The following STK32B variants were observed in gnomAD, a reference collection of about 807,000 sequenced individuals.
STK32B encodes the protein serine/threonine-protein kinase 32B.
In STK32B, 43 loss-of-function variants were observed where a neutral mutation model predicts 52.6. The observed-to-expected ratio is 0.82, with a 90% CI of 0.64 to 1.05. The LOEUF (loss-of-function observed/expected upper bound fraction) is 1.05. Ranked by LOEUF, STK32B falls within the 50% of genes least tolerant of loss-of-function variation. The pLI is 0.00. For missense variants in STK32B, 621 were observed against 534.6 expected (o/e 1.16, Z -1.59); for synonymous variants, 238 against 204.3 (o/e 1.17, Z -1.41).
At chr4:5,446,829 C>G (rs763614392) in intron 7 of STK32B, 53 bp downstream of exon 7, 1 of 1,575,096 alleles carries the variant, frequency 6.3e-7, no homozygotes, top group Non-Finnish European at 8.7e-7. Flanking sequence ...TGGGGGCTCA[C>G]GTTGTACCTG....
At chr4:5,204,774 G>T (rs996291787) in intron 3 of STK32B, among the ~76,000 whole-genome samples, 17 of 152,080 alleles carry the variant, frequency 1.1e-4, no homozygotes, top group African/African-American at 3.6e-4. Flanking sequence ...GGCGTGTCCT[G>T]GGTTTTAAGC....
At position 5,292,350 on chromosome 4, in the gene STK32B, A is replaced by G. The variant is rs374411288; in HGVS notation, c.261-38870A>G. 5.9e-5 allele frequency among the ~76,000 whole-genome samples: 9 copies of G among 152,212 alleles called. No individual in the cohort carries two copies. In the East Asian group the frequency reaches 9.6e-4, roughly 16 times the overall value. On this transcript the variant is annotated intron_variant, in intron 3 of 11. Transcript: ENST00000282908. ...TAATAGCCATTCTGACTGATGTGAA[A>G]TGGTATCTCATTGTGGTTTCAGTTT... is the stretch of plus-strand genomic sequence containing the variant.
intron 1 of STK32B, among the ~76,000 whole-genome samples, chr4:5,105,735 T>C (rs993820938): frequency 7.9e-5 from 12 of 151,904 alleles, no homozygotes; most frequent in Non-Finnish European, 1.3e-4. Context: ...GGCTAATTTT[T>C]TGTATTTTTA....
intron 1 of STK32B, among the ~76,000 whole-genome samples, chr4:5,071,180 G>T (rs549895757): frequency 6.6e-6 from 1 of 152,248 alleles, no homozygotes; most frequent in East Asian, 1.9e-4. Flanking sequence ...AGTTTGCAGT[G>T]ATCACGCTAG....
chr4:5,372,628 G>A (rs775463273), intron 4 of STK32B, among the ~76,000 whole-genome samples: 2 of 151,590 alleles, frequency 1.3e-5, no homozygotes, highest in Non-Finnish European at 2.9e-5. Flanking sequence ...CTGGGTCAGT[G>A]GACTATTTAA....
chr4:5,131,592 C>T (rs867256442), intron 1 of STK32B, among the ~76,000 whole-genome samples: 19 of 152,212 alleles, frequency 1.2e-4, no homozygotes, highest in Admixed American at 1.3e-4. Flanking sequence ...TTCTCTCCTT[C>T]CTACACAGCA....
intron 3 of STK32B, among the ~76,000 whole-genome samples, chr4:5,255,078 G>A (rs1464440404): frequency 1.3e-5 from 2 of 151,908 alleles, no homozygotes; most frequent in Non-Finnish European, 2.9e-5. Flanking sequence ...GCCCAGTAGG[G>A]CAGACTGATA....
At chr4:5,348,009 T>A (rs2108980976) in intron 4 of STK32B, among the ~76,000 whole-genome samples, 1 of 152,198 alleles carries the variant, frequency 6.6e-6, no homozygotes, top group Non-Finnish European at 1.5e-5. Flanking sequence ...ACATAACCAC[T>A]CTGAGTAGAT....
chr4:5,146,330 G>A (rs868677692), intron 2 of STK32B, among the ~76,000 whole-genome samples: 6 of 152,110 alleles, frequency 3.9e-5, no homozygotes, highest in African/African-American at 7.2e-5. Context: ...GTCTGTGACC[G>A]AAAGCCTGAG....
At chr4:5,364,690 T>C (rs1467266159) in intron 4 of STK32B, among the ~76,000 whole-genome samples, 2 of 152,000 alleles carry the variant, frequency 1.3e-5, no homozygotes, top group Admixed American at 1.3e-4. Context: ...TCATATTCAG[T>C]AGGGAGAGGG....
Position 5,460,322 on chromosome 4 carries a change from C to A in STK32B, c.909+94C>A. 1.3e-6 allele frequency: 2 copies of A among 1,508,008 alleles called. No homozygotes were observed. Among genetic ancestry groups the A allele is most frequent in the South Asian group, 1.3e-5 (1 of 75,946 alleles). The allele number at this position is 1,508,008 out of a possible 1,614,324, so 93.4% of individuals were successfully genotyped here. A position where few individuals can be genotyped will look rare whatever the true frequency, so the allele number is the denominator to read the frequency against. ...CTTTGGCAGCTGGCTAGTGAGCCCT[C>A]TGCTGGCCACTTCCACCTGAGCACC... On this transcript the variant is annotated intron_variant, in intron 9 of 11. Transcript: ENST00000282908. This position sits in a 1 kb window ranked among gnomAD's most constrained non-coding sequence, Gnocchi z 4.8.
At chr4:5,166,484 A>T (rs952971079) in intron 2 of STK32B, among the ~76,000 whole-genome samples, 6 of 146,678 alleles carry the variant, frequency 4.1e-5, no homozygotes, top group African/African-American at 1.5e-4. Context: ...GTCATACTAG[A>T]TGAGAGTGGG....
Position 5,369,887 on chromosome 4 carries a change from T to TG in STK32B, c.435-28320_435-28319insG, listed in dbSNP as rs534163253. Reference sequence around the variant, plus strand: ...TATTTTTTTTGTTTGTTTGTTTGTTTTTTTTTGAGACGGCGTCTTGCTCTG... The same window carrying TG: ...TATTTTTTTTGTTTGTTTGTTTGTTTGTTTTTTGAGACGGCGTCTTGCTCTG... On this transcript the variant is annotated intron_variant, in intron 4 of 11. Coordinates refer to ENST00000282908, the MANE Select transcript of STK32B (RefSeq NM_018401.3). 3.2e-3 allele frequency among the ~76,000 whole-genome samples: 492 copies of TG among 152,248 alleles called. 4 individuals carry two copies. Among genetic ancestry groups the TG allele is most frequent in the South Asian group, 0.015 (72 of 4,820 alleles).
intron 6 of STK32B, among the ~76,000 whole-genome samples, chr4:5,434,450 G>GTATATA (rs1433116826): frequency 6.4e-4 from 66 of 103,364 alleles, no homozygotes; most frequent in African/African-American, 1.9e-3. Context: ...GTGTGTGTGT[G>GTATATA]TGTGTATATA....
chr4:5,276,247 C>G (rs887347946), intron 3 of STK32B, among the ~76,000 whole-genome samples: 1 of 152,020 alleles, frequency 6.6e-6, no homozygotes, highest in Non-Finnish European at 1.5e-5. Flanking sequence ...CAAGATTGCA[C>G]CACTGCACTC....
intron 3 of STK32B, among the ~76,000 whole-genome samples, chr4:5,236,357 A>G (rs1724638425): frequency 6.6e-6 from 1 of 152,158 alleles, no homozygotes; most frequent in African/African-American, 2.4e-5. Context: ...ACTTACTTAA[A>G]AAACTTAAAT....
chr4:5,350,193 GAAATT>G (rs146473723), intron 4 of STK32B, among the ~76,000 whole-genome samples: 10,674 of 152,094 alleles, frequency 0.07, 414 homozygotes, highest in Middle Eastern at 0.099. Flanking sequence ...AAAAGTCAAA[GAAATT>G]AAAAACAGCA....
intron 4 of STK32B, among the ~76,000 whole-genome samples, chr4:5,364,513 T>G (rs1043694804): frequency 6.6e-6 from 1 of 152,194 alleles, no homozygotes; most frequent in Non-Finnish European, 1.5e-5. Flanking sequence ...TTCACCAAAT[T>G]CATATACCAA....
rs191334621 is a variant in STK32B at position 5,255,923 on chromosome 4, G to T, written c.261-75297G>T. Among the ~76,000 whole-genome samples, 3 of 152,216 alleles carry T rather than the reference G, an allele frequency of 2.0e-5. No individual in the cohort carries two copies. In the East Asian group the frequency reaches 5.8e-4, roughly 29 times the overall value. ...GTGAACATACGCATGCATGTCCCTT[G>T]AGTATTTTATACCTCATAAAGGTGT... On this transcript the variant is annotated intron_variant, in intron 3 of 11. Coordinates refer to ENST00000282908, the MANE Select transcript of STK32B (RefSeq NM_018401.3).
Sources: allele counts gnomAD v4.1 joint callset (sites outside exome capture counted in the v4.1 genomes callset), GRCh38; gene constraint gnomAD v4.1.1; non-coding constraint Gnocchi (gnomAD v3.1); transcripts MANE v1.5; gene names NCBI Gene and HGNC (gene_info 2026-07-23, HGNC 2026-07-21).